Variants in LRRC4C observed in about 807,000 individuals in gnomAD.
LRRC4C encodes the protein leucine-rich repeat-containing protein 4C.
Under a neutral mutation model 33.6 loss-of-function variants are expected in LRRC4C, and 5 were observed. The observed-to-expected ratio is 0.15, with a 90% CI of 0.08 to 0.31. LRRC4C has a LOEUF of 0.31. Among genes scored for constraint, LRRC4C ranks in the 10% least tolerant of loss-of-function variants. The probability of loss-of-function intolerance (pLI) is 1.00; values close to 1 mark genes in which losing one functional copy is unlikely to be tolerated. For synonymous variants in LRRC4C, 329 were observed against 302.0 expected (o/e 1.09, Z -0.93); for missense variants, 560 against 796.7 (o/e 0.70, Z 3.58).
At chr11:41,310,368 C>G (rs1950612675) in intron 1 of LRRC4C, among the ~76,000 whole-genome samples, 1 of 152,186 alleles carries the variant, frequency 6.6e-6, no homozygotes, top group Non-Finnish European at 1.5e-5. Flanking sequence ...CAATGTTTCT[C>G]TTTCTGGAGA....
chr11:41,450,309 A>G (rs1245839128), intron 1 of LRRC4C, among the ~76,000 whole-genome samples: 2 of 152,182 alleles, frequency 1.3e-5, no homozygotes, highest in African/African-American at 4.8e-5. Flanking sequence ...GCTCTCTGGC[A>G]ATAATTGGTA....
chr11:41,403,505 G>T (rs1954103078), intron 1 of LRRC4C, among the ~76,000 whole-genome samples: 1 of 152,018 alleles, frequency 6.6e-6, no homozygotes, highest in Non-Finnish European at 1.5e-5. Flanking sequence ...GGAAATTCAG[G>T]TGTCCTTTAT....
intron 1 of LRRC4C, among the ~76,000 whole-genome samples, chr11:41,192,637 C>T (rs1419006105): frequency 6.6e-6 from 1 of 151,896 alleles, no homozygotes; most frequent in Non-Finnish European, 1.5e-5. Flanking sequence ...TGAAAAATAC[C>T]TGTATATCTT....
intron 3 of LRRC4C, among the ~76,000 whole-genome samples, chr11:40,545,088 T>A (rs1466329741): frequency 6.6e-6 from 1 of 152,042 alleles, no homozygotes; most frequent in Non-Finnish European, 1.5e-5. Context: ...TAGCACCTTG[T>A]CTCTGAAGCC....
chr11:41,305,910 A>C (rs1334099019), intron 1 of LRRC4C, among the ~76,000 whole-genome samples: 1 of 90,714 alleles, frequency 1.1e-5, no homozygotes, highest in African/African-American at 3.2e-5. Flanking sequence ...TAAAAAAATA[A>C]ATTAAAAAAA....
intron 3 of LRRC4C, among the ~76,000 whole-genome samples, chr11:40,359,221 G>A (rs1947832417): frequency 6.6e-6 from 1 of 152,178 alleles, no homozygotes; most frequent in South Asian, 2.1e-4. Context: ...CCAGTATGTG[G>A]CCTTCATTAG....
intron 1 of LRRC4C, among the ~76,000 whole-genome samples, chr11:41,015,182 C>T (rs543633988): frequency 6.6e-6 from 1 of 152,128 alleles, no homozygotes; most frequent in Admixed American, 6.5e-5. Flanking sequence ...TAGGAGTCCA[C>T]CAACTCTCTT....
At chr11:40,199,218 C>G (rs566621222) in intron 5 of LRRC4C, among the ~76,000 whole-genome samples, 2 of 152,178 alleles carry the variant, frequency 1.3e-5, no homozygotes, top group African/African-American at 2.4e-5. Context: ...TTACAGGTGC[C>G]CACTACCACA....
At chr11:41,011,799 T>TTAA (rs138345525) in intron 1 of LRRC4C, among the ~76,000 whole-genome samples, 3 of 142,322 alleles carry the variant, frequency 2.1e-5, no homozygotes, top group Non-Finnish European at 4.6e-5. Flanking sequence ...CACTTAAAAT[T>TTAA]AAAAAAAAAA....
intron 1 of LRRC4C, among the ~76,000 whole-genome samples, chr11:41,150,790 AT>A (rs1943957272): frequency 5.3e-4 from 1 of 1,874 alleles, no homozygotes; most frequent in Non-Finnish European, 6.3e-3. Context: ...AAATAAATAA[AT>A]AAAATAAAAT....
chr11:41,414,356 A>G (rs939957438), intron 1 of LRRC4C, among the ~76,000 whole-genome samples: 1 of 152,198 alleles, frequency 6.6e-6, no homozygotes, highest in Non-Finnish European at 1.5e-5. Context: ...TTTCTTTACT[A>G]TGCCACACGT....
intron 1 of LRRC4C, among the ~76,000 whole-genome samples, chr11:41,226,583 T>C (rs1398279532): frequency 6.6e-6 from 1 of 152,072 alleles, no homozygotes; most frequent in Non-Finnish European, 1.5e-5. Context: ...CTTTTTCTTT[T>C]GCTTACAGTC....
intron 3 of LRRC4C, among the ~76,000 whole-genome samples, chr11:40,527,770 CAG>C (rs968999330): frequency 4.1e-5 from 6 of 145,794 alleles, no homozygotes; most frequent in Admixed American, 2.0e-4. Flanking sequence ...TTTTTTTTGG[CAG>C]AGTGTCACTC....
At chr11:40,254,043 A>C (rs1026054042) in intron 4 of LRRC4C, among the ~76,000 whole-genome samples, 1 of 152,192 alleles carries the variant, frequency 6.6e-6, no homozygotes, top group Non-Finnish European at 1.5e-5. Flanking sequence ...GTAGATAGTG[A>C]AAACAATTAT....
intron 1 of LRRC4C, among the ~76,000 whole-genome samples, chr11:41,053,286 C>G (rs568499045): frequency 1.2e-4 from 18 of 152,320 alleles, no homozygotes; most frequent in Admixed American, 6.5e-4. Context: ...TTCTCCTTAA[C>G]TTTGATGAAA....
intron 4 of LRRC4C, among the ~76,000 whole-genome samples, chr11:40,299,334 T>C (rs1197506022): frequency 6.6e-6 from 1 of 152,236 alleles, no homozygotes; most frequent in Non-Finnish European, 1.5e-5. Context: ...AGTGTACCTA[T>C]TTCTCTTTAT....
At chr11:41,192,193 T>C (rs1945979958) in intron 1 of LRRC4C, among the ~76,000 whole-genome samples, 1 of 152,120 alleles carries the variant, frequency 6.6e-6, no homozygotes, top group Non-Finnish European at 1.5e-5. Flanking sequence ...ACTTGGTACA[T>C]ACTAATTTTT....
intron 2 of LRRC4C, among the ~76,000 whole-genome samples, chr11:40,780,615 A>G (rs1950175225): frequency 6.6e-6 from 1 of 152,162 alleles, no homozygotes; most frequent in East Asian, 1.9e-4. Flanking sequence ...AAATATGTAA[A>G]ATAGATACAA....
intron 1 of LRRC4C, among the ~76,000 whole-genome samples, chr11:41,347,750 G>A (rs1951848258): frequency 6.6e-6 from 1 of 152,192 alleles, no homozygotes; most frequent in Non-Finnish European, 1.5e-5. Context: ...GTGGTGAGCA[G>A]TGAGAGTTTA....
Sources: gnomAD v4.1 joint callset for allele counts (sites outside exome capture counted in the v4.1 genomes callset) on GRCh38, gnomAD v4.1.1 for gene constraint, MANE v1.5 for transcripts, NCBI Gene and HGNC (gene_info 2026-07-23, HGNC 2026-07-21) for gene names.